The following TMEM117 variants were observed in gnomAD, a reference collection of about 807,000 sequenced individuals.
The protein encoded by TMEM117 is transmembrane protein 117.
In TMEM117, 27 loss-of-function variants were observed where a neutral mutation model predicts 52.4. That is an observed-to-expected ratio of 0.51 (90% CI 0.38 to 0.71). The LOEUF is 0.71. Among genes scored for constraint, TMEM117 ranks in the 30% least tolerant of loss-of-function variants. TMEM117 has a pLI of 0.00. For synonymous variants in TMEM117, 215 were observed against 206.3 expected (o/e 1.04, Z -0.36); for missense variants, 556 against 630.5 (o/e 0.88, Z 1.26).
chr12:43,886,974 A>G (rs952407768), intron 2 of TMEM117, among the ~76,000 whole-genome samples: 1 of 152,084 alleles, frequency 6.6e-6, no homozygotes, highest in Non-Finnish European at 1.5e-5. Flanking sequence ...CAGCCTCTGG[A>G]GTAGCTGGGA....
intron 2 of TMEM117, among the ~76,000 whole-genome samples, chr12:43,943,460 T>A (rs181969534): frequency 1.3e-5 from 2 of 152,176 alleles, no homozygotes; most frequent in South Asian, 2.1e-4. Flanking sequence ...TATTAGTAAT[T>A]TTTACTTTAG....
intron 3 of TMEM117, among the ~76,000 whole-genome samples, chr12:44,101,749 C>T (rs1004862495): frequency 4.6e-5 from 7 of 152,076 alleles, no homozygotes; most frequent in Non-Finnish European, 7.4e-5. Context: ...CCACTCTCCT[C>T]CGTACACCAG....
chr12:44,063,483 T>G (rs977617403), intron 3 of TMEM117, among the ~76,000 whole-genome samples: 4 of 152,092 alleles, frequency 2.6e-5, no homozygotes, highest in African/African-American at 9.7e-5. Context: ...TTTTTATTAT[T>G]ATACTTTAAG....
At chr12:44,127,702 G>GT (rs1476670311) in intron 3 of TMEM117, among the ~76,000 whole-genome samples, 7 of 152,002 alleles carry the variant, frequency 4.6e-5, no homozygotes, top group African/African-American at 1.7e-4. Flanking sequence ...AAGTAAAATA[G>GT]TTTCTTCTTG....
chr12:43,798,793 G>A, the TMEM117 span, among the ~76,000 whole-genome samples: 1 of 151,924 alleles, frequency 6.6e-6, no homozygotes, highest in African/African-American at 2.4e-5. Context: ...ATGAATAGTG[G>A]TTTCAGCCAC....
intron 4 of TMEM117, among the ~76,000 whole-genome samples, chr12:44,203,594 G>T (rs1029895152): frequency 1.3e-5 from 2 of 152,116 alleles, no homozygotes; most frequent in African/African-American, 4.8e-5. Flanking sequence ...TTAGCACTAT[G>T]AAATTTCCAG....
chr12:44,269,796 G>A (rs1950424944), intron 5 of TMEM117, among the ~76,000 whole-genome samples: 1 of 152,024 alleles, frequency 6.6e-6, no homozygotes. Context: ...CAGCACATAT[G>A]CTTCTTATCA....
At chr12:43,901,524 C>G (rs1944305032) in intron 2 of TMEM117, among the ~76,000 whole-genome samples, 1 of 152,160 alleles carries the variant, frequency 6.6e-6, no homozygotes, top group Admixed American at 6.5e-5. Context: ...GTTGTCCAGG[C>G]TGGTCTTGAA....
At chr12:44,127,808 G>A (rs1387328339) in intron 3 of TMEM117, among the ~76,000 whole-genome samples, 1 of 152,188 alleles carries the variant, frequency 6.6e-6, no homozygotes, top group Non-Finnish European at 1.5e-5. Context: ...GAATTTTTCA[G>A]TATCAGCTTC....
At chr12:44,274,934 C>G (rs1034380711) in intron 5 of TMEM117, among the ~76,000 whole-genome samples, 3 of 151,974 alleles carry the variant, frequency 2.0e-5, no homozygotes, top group African/African-American at 7.2e-5. Flanking sequence ...CAAAGGCAAC[C>G]AAAGGAAAAG....
intron 2 of TMEM117, among the ~76,000 whole-genome samples, chr12:43,870,257 C>CTT (rs1342649067): frequency 4.2e-5 from 6 of 142,444 alleles, no homozygotes; most frequent in Admixed American, 7.1e-5. Flanking sequence ...GTGCATGTGT[C>CTT]TTTTTTTTTT....
At chr12:44,253,445 G>C (rs1343378261) in intron 5 of TMEM117, among the ~76,000 whole-genome samples, 1 of 152,102 alleles carries the variant, frequency 6.6e-6, no homozygotes, top group East Asian at 1.9e-4. Flanking sequence ...AAATCCTAAA[G>C]CTGAGGTCGA....
At position 43,919,536 on chromosome 12, in the gene TMEM117, C is replaced by T. The variant is rs114911847; in HGVS notation, c.278-24674C>T. On this transcript the variant is annotated intron_variant, in intron 2 of 7. Coordinates refer to ENST00000266534, the MANE Select transcript of TMEM117 (RefSeq NM_032256.3). The stretch of plus-strand genomic sequence containing the variant: ...TTCCACATTTTCTTTATCAATTTAT[C>T]GTATCAATTTCTCTGTCTATGGACA... Among the ~76,000 whole-genome samples, 681 of 152,204 alleles carry T rather than the reference C, an allele frequency of 4.5e-3. 5 individuals are homozygous for T. Among genetic ancestry groups the T allele is most frequent in the African/African-American group, 0.016 (655 of 41,516 alleles).
chr12:44,226,984 A>AT lies in TMEM117; in HGVS notation c.608+15607dup, dbSNP rs572232300. Among the ~76,000 whole-genome samples the AT allele has an allele frequency of 2.6e-3, 385 of 150,582 alleles. 1 individual carries two copies. The highest frequency in any genetic ancestry group is 4.5e-3 in the Non-Finnish European group (304 of 67,486). On this transcript the variant is annotated intron_variant, in intron 5 of 7. Transcript: ENST00000266534. ...TTAATCCCAATCGCCAAAGCAACCA[A>AT]TTTTTTTTTTAAATAAGGAGTCAAG...
intron 6 of TMEM117, among the ~76,000 whole-genome samples, chr12:44,313,074 C>T (rs140693441): frequency 2.7e-4 from 41 of 152,286 alleles, no homozygotes; most frequent in Non-Finnish European, 5.1e-4. Flanking sequence ...TCTGTTTACT[C>T]TGCTTTTCAT....
rs1380449953 is a variant in TMEM117, at chr12:43,836,109, C to T, written c.-116C>T. On this transcript the variant is annotated 5_prime_UTR_variant, in exon 1 of 8. Coordinates refer to ENST00000266534, the MANE Select transcript of TMEM117 (RefSeq NM_032256.3). The stretch of plus-strand genomic sequence containing the variant: ...GACGCCGCCGGCCCGTCTCGCCGCG[C>T]TTCCCAGCGAGGCCGCCGGCGCGCC... The T allele has an allele frequency of 1.3e-5, 2 of 151,940 alleles. No homozygotes were observed. Among genetic ancestry groups the T allele is most frequent in the African/African-American group, 2.4e-5 (1 of 41,392 alleles). 9.4% of individuals were successfully genotyped at this position (151,940 alleles called of 1,614,324 possible).
chr12:44,349,301 T>C (rs1160376810), intron 6 of TMEM117, among the ~76,000 whole-genome samples: 4 of 152,026 alleles, frequency 2.6e-5, no homozygotes, highest in African/African-American at 9.7e-5. Flanking sequence ...TGTCATACAA[T>C]GAATTTCTAT....
chr12:43,960,702 GA>G (rs1468540003), intron 3 of TMEM117, among the ~76,000 whole-genome samples: 2 of 151,998 alleles, frequency 1.3e-5, no homozygotes, highest in African/African-American at 4.8e-5. Flanking sequence ...GTTAGAGGGG[GA>G]AAATTCTGAT....
chr12:43,822,625 G>A, the TMEM117 span, among the ~76,000 whole-genome samples: 2 of 151,938 alleles, frequency 1.3e-5, no homozygotes, highest in Admixed American at 6.6e-5. Flanking sequence ...TAAATGATAT[G>A]TTTACCTGTC....
Sources: allele counts gnomAD v4.1 joint callset (sites outside exome capture counted in the v4.1 genomes callset), GRCh38; gene constraint gnomAD v4.1.1; transcripts MANE v1.5; gene names NCBI Gene and HGNC (gene_info 2026-07-23, HGNC 2026-07-21).